KHDRBS2: variants seen among roughly 807,000 people sequenced by gnomAD.
KHDRBS2 encodes KH domain-containing, RNA-binding, signal transduction-associated protein 2.
KHDRBS2 carries 26 observed loss-of-function variants against 44.3 expected under a neutral mutation model. The ratio of observed to expected loss-of-function variants is 0.59; its 90% CI spans 0.43 to 0.81. The LOEUF is 0.81. KHDRBS2 is among the 40% of genes least tolerant of loss of function. The pLI, the probability that KHDRBS2 is intolerant of heterozygous loss-of-function variation, is 0.00. For missense variants in KHDRBS2, 476 were observed against 433.1 expected, an observed-to-expected ratio of 1.10 and a Z score of -0.88; for synonymous variants, 194 against 151.1, an observed-to-expected ratio of 1.28 and a Z score of -2.08.
intron 6 of KHDRBS2, among the ~76,000 whole-genome samples, chr6:61,809,563 TA>T (rs934244456): frequency 6.6e-6 from 1 of 152,014 alleles, no homozygotes; most frequent in Non-Finnish European, 1.5e-5. Flanking sequence ...GTCAAATCAA[TA>T]AAAAAAACCT....
At chr6:61,622,580 C>T in the KHDRBS2 span, among the ~76,000 whole-genome samples, 2 of 152,102 alleles carry the variant, frequency 1.3e-5, no homozygotes, top group Non-Finnish European at 2.9e-5. Flanking sequence ...AAAGATTTAA[C>T]ACTACAGCAA....
At chr6:61,709,093 G>C (rs1770061498) in intron 7 of KHDRBS2, among the ~76,000 whole-genome samples, 1 of 151,614 alleles carries the variant, frequency 6.6e-6, no homozygotes, top group African/African-American at 2.4e-5. Flanking sequence ...TAAGTGTCTA[G>C]TACATATCAG....
the KHDRBS2 span, among the ~76,000 whole-genome samples, chr6:61,542,855 A>G: frequency 6.6e-6 from 1 of 152,144 alleles, no homozygotes; most frequent in East Asian, 1.9e-4. Context: ...GGAGTTTAGG[A>G]GATTTGGCCC....
chr6:62,101,108 C>T (rs577646695), intron 2 of KHDRBS2, among the ~76,000 whole-genome samples: 1 of 152,264 alleles, frequency 6.6e-6, no homozygotes, highest in Admixed American at 6.5e-5. Flanking sequence ...TTAAAATGTT[C>T]AGGCAGTTGT....
the KHDRBS2 span, among the ~76,000 whole-genome samples, chr6:61,615,233 C>CCATCTCCAAAAAA: frequency 1.9e-4 from 11 of 58,592 alleles, no homozygotes; most frequent in Non-Finnish European, 1.5e-4. Flanking sequence ...ACTCCATCTC[C>CCATCTCCAAAAAA]AAAAAAAAAA....
chr6:61,661,888 G>A, the KHDRBS2 span, among the ~76,000 whole-genome samples: 4 of 151,886 alleles, frequency 2.6e-5, no homozygotes, highest in African/African-American at 9.7e-5. Context: ...ACAGAATTGG[G>A]AAAAGCTACT....
chr6:61,775,034 C>G (rs1217991216), intron 6 of KHDRBS2, among the ~76,000 whole-genome samples: 2 of 152,008 alleles, frequency 1.3e-5, no homozygotes, highest in Non-Finnish European at 2.9e-5. Flanking sequence ...GAACCAAAGA[C>G]AAAAACCACA....
intron 1 of KHDRBS2, among the ~76,000 whole-genome samples, chr6:62,189,922 G>A (rs770321112): frequency 2.1e-4 from 32 of 152,116 alleles, no homozygotes; most frequent in Non-Finnish European, 3.7e-4. Flanking sequence ...GGAGTTGGAT[G>A]AGGAATTCTG....
At chr6:61,909,797 C>T (rs1020292389) in intron 4 of KHDRBS2, among the ~76,000 whole-genome samples, 1 of 152,184 alleles carries the variant, frequency 6.6e-6, no homozygotes. Flanking sequence ...ATTTCACTTG[C>T]ATATGGATGC....
At chr6:61,883,578 C>A (rs1389747108) in intron 6 of KHDRBS2, among the ~76,000 whole-genome samples, 2 of 151,976 alleles carry the variant, frequency 1.3e-5, no homozygotes, top group Non-Finnish European at 2.9e-5. Flanking sequence ...ATGGCTTATT[C>A]AAACTTCAAC....
intron 3 of KHDRBS2, among the ~76,000 whole-genome samples, chr6:62,006,323 T>A (rs1205513561): frequency 6.6e-6 from 1 of 151,982 alleles, no homozygotes; most frequent in Non-Finnish European, 1.5e-5. Context: ...AAGTTATATA[T>A]GCAAAAATGA....
chr6:62,183,248 A>G (rs1164502192), intron 1 of KHDRBS2, among the ~76,000 whole-genome samples: 2 of 151,792 alleles, frequency 1.3e-5, no homozygotes, highest in African/African-American at 2.4e-5. Context: ...ACACATGCAC[A>G]AACGCAGAAA....
chr6:61,877,088 A>G (rs1287552260), intron 6 of KHDRBS2, among the ~76,000 whole-genome samples: 7 of 152,014 alleles, frequency 4.6e-5, no homozygotes, highest in African/African-American at 9.7e-5. Context: ...TTGTGCCACA[A>G]TGTCAGAGTT....
At position 62,163,237 on chromosome 6, in the gene KHDRBS2, T is replaced by C. The variant is rs1250396062; in HGVS notation, c.219+13948A>G. ...AGCCAATGAAGACAATGCTCAATAA[T>C]AGTTAAAGACAGACTTTAATTCCCG... is the stretch of plus-strand genomic sequence containing the variant. On this transcript the variant is annotated intron_variant, in intron 2 of 8. Transcript: ENST00000281156. Among the ~76,000 whole-genome samples, 3 of 152,044 alleles carry C rather than the reference T, an allele frequency of 2.0e-5. No individual in the cohort carries two copies. In the East Asian group the frequency reaches 5.8e-4, roughly 29 times the overall value.
At chr6:61,712,771 A>C (rs1770730892) in intron 7 of KHDRBS2, among the ~76,000 whole-genome samples, 1 of 151,856 alleles carries the variant, frequency 6.6e-6, no homozygotes, top group South Asian at 2.1e-4. Context: ...TATTATTATT[A>C]GTAGTAGTAA....
At chr6:61,609,817 A>G in the KHDRBS2 span, among the ~76,000 whole-genome samples, 1 of 152,232 alleles carries the variant, frequency 6.6e-6, no homozygotes, top group Non-Finnish European at 1.5e-5. Flanking sequence ...ATATGTTTTA[A>G]AATAGTTTTT....
chr6:61,861,499 G>T (rs1389279170), intron 6 of KHDRBS2, among the ~76,000 whole-genome samples: 1 of 152,048 alleles, frequency 6.6e-6, no homozygotes, highest in Non-Finnish European at 1.5e-5. Context: ...CTTTTGGTCA[G>T]GTTTGTCAAA....
the KHDRBS2 span, among the ~76,000 whole-genome samples, chr6:61,552,230 T>C: frequency 1.3e-5 from 2 of 151,882 alleles, no homozygotes; most frequent in Admixed American, 1.3e-4. Context: ...GATCTTTCAA[T>C]TCCCTGGATA....
the KHDRBS2 span, among the ~76,000 whole-genome samples, chr6:61,542,843 G>A: frequency 6.6e-6 from 1 of 151,982 alleles, no homozygotes; most frequent in Admixed American, 6.6e-5. Flanking sequence ...GAAAATTTGA[G>A]TGGAGTTTAG....
Sources: allele counts gnomAD v4.1 joint callset (sites outside exome capture counted in the v4.1 genomes callset), GRCh38; gene constraint gnomAD v4.1.1; transcripts MANE v1.5; gene names NCBI Gene and HGNC (gene_info 2026-07-23, HGNC 2026-07-21).